Variants in CCDC192 observed in about 807,000 individuals in gnomAD.
The protein encoded by CCDC192 is coiled-coil domain-containing protein 192.
chr5:127,747,072 T>C (rs1561462583), intron 2 of CCDC192, among the ~76,000 whole-genome samples: 3 of 151,430 alleles, frequency 2.0e-5, no homozygotes, highest in Non-Finnish European at 4.4e-5. Flanking sequence ...GTTCATTCTT[T>C]TTTTTTTTTA....
chr5:127,935,168 G>A (rs1182877765), intron 6 of CCDC192: 1 of 152,234 alleles, frequency 6.6e-6, no homozygotes, highest in Non-Finnish European at 1.5e-5. Flanking sequence ...CTAACTCAGT[G>A]CTGCCCCTCC....
chr5:127,750,082 T>A lies in CCDC192; in HGVS notation c.115-4186T>A, dbSNP rs541531044. Reference sequence around the variant, plus strand: ...AAAACCAGCTCCTGGATTCATTAATTTTTTGAAGAGTTTTTTGTGTCTCTA... The same window carrying A: ...AAAACCAGCTCCTGGATTCATTAATATTTTGAAGAGTTTTTTGTGTCTCTA... On this transcript the variant is annotated intron_variant, in intron 2 of 6. Transcript: ENST00000514853. Among the ~76,000 whole-genome samples the A allele has an allele frequency of 2.6e-5, 4 of 152,294 alleles. No individual in the cohort carries two copies. The East Asian group carries it at 7.7e-4, about 29-fold the overall frequency.
intron 5 of CCDC192, among the ~76,000 whole-genome samples, chr5:127,824,967 T>C (rs1429543666): frequency 6.6e-6 from 1 of 152,186 alleles, no homozygotes; most frequent in African/African-American, 2.4e-5. Flanking sequence ...TGGTAGTTGT[T>C]CAAGCACACA....
chr5:127,813,252 T>G (rs1758181719), intron 5 of CCDC192, among the ~76,000 whole-genome samples: 1 of 152,138 alleles, frequency 6.6e-6, no homozygotes, highest in South Asian at 2.1e-4. Flanking sequence ...TGCTTTAGCC[T>G]TTCCACTCTC....
intron 2 of CCDC192, among the ~76,000 whole-genome samples, chr5:127,730,402 C>T (rs995088322): frequency 1.3e-5 from 2 of 151,974 alleles, no homozygotes; most frequent in Admixed American, 1.3e-4. Flanking sequence ...CCAAAAGAAG[C>T]CTAGGACCAG....
chr5:127,840,914 G>A (rs1447104032), intron 5 of CCDC192, among the ~76,000 whole-genome samples: 12 of 152,200 alleles, frequency 7.9e-5, no homozygotes, highest in Admixed American at 5.2e-4. Flanking sequence ...ACTGGCACAG[G>A]CTTCAGCTAG....
intron 5 of CCDC192, among the ~76,000 whole-genome samples, chr5:127,812,964 C>T (rs1193006869): frequency 6.6e-6 from 1 of 152,226 alleles, no homozygotes; most frequent in African/African-American, 2.4e-5. Flanking sequence ...GACCCCATAA[C>T]CAAATGCCCC....
rs115503378 is a variant in CCDC192, at chr5:127,806,436, G to A, written c.411+8274G>A. On this transcript the variant is annotated intron_variant, in intron 5 of 6. Coordinates refer to ENST00000514853, the MANE Select transcript of CCDC192 (RefSeq NM_001317938.2). ...CCCCACCCTACCGCCCCCAGCTACCGTTGCAGGTGTCTAGTCTTTGCTTAG... is the reference window on the plus strand; with the variant it reads ...CCCCACCCTACCGCCCCCAGCTACCATTGCAGGTGTCTAGTCTTTGCTTAG... 6.7e-3 allele frequency among the ~76,000 whole-genome samples: 1,023 copies of A among 152,060 alleles called. 16 individuals are homozygous for A. Among genetic ancestry groups the A allele is most frequent in the African/African-American group, 0.023 (948 of 41,472 alleles).
chr5:127,863,271 T>A (rs1201653645), intron 5 of CCDC192, among the ~76,000 whole-genome samples: 2 of 152,340 alleles, frequency 1.3e-5, no homozygotes, highest in Non-Finnish European at 2.9e-5. Flanking sequence ...TGTTTATCCA[T>A]GGATGAATGA....
intron 2 of CCDC192, among the ~76,000 whole-genome samples, chr5:127,726,291 A>G (rs1222160715): frequency 1.3e-5 from 2 of 152,234 alleles, no homozygotes; most frequent in Non-Finnish European, 2.9e-5. Context: ...GAGTCCAGTG[A>G]ACTCCTATGG....
At chr5:127,746,612 C>CTTT (rs5871272) in intron 2 of CCDC192, among the ~76,000 whole-genome samples, 42 of 143,626 alleles carry the variant, frequency 2.9e-4, no homozygotes, top group African/African-American at 1.0e-3. Context: ...TGTTTAAAGC[C>CTTT]TTTTTTTTTT....
chr5:127,769,184 T>C (rs758785167), intron 3 of CCDC192, among the ~76,000 whole-genome samples: 4 of 152,210 alleles, frequency 2.6e-5, no homozygotes, highest in Non-Finnish European at 5.9e-5. Context: ...CATTACTTAA[T>C]GGAGTGGTTT....
intron 3 of CCDC192, among the ~76,000 whole-genome samples, chr5:127,756,049 C>T (rs574284557): frequency 1.3e-5 from 2 of 151,848 alleles, no homozygotes; most frequent in African/African-American, 2.4e-5. Context: ...AGGAGAATGG[C>T]GTGAACCCGG....
At chr5:127,764,183 A>T (rs1163225970) in intron 3 of CCDC192, among the ~76,000 whole-genome samples, 1 of 152,212 alleles carries the variant, frequency 6.6e-6, no homozygotes, top group Non-Finnish European at 1.5e-5. Flanking sequence ...CCATTGAAGG[A>T]GGCACATTCT....
At chr5:127,858,537 A>G (rs1369694545) in intron 5 of CCDC192, among the ~76,000 whole-genome samples, 1 of 152,224 alleles carries the variant, frequency 6.6e-6, no homozygotes, top group Non-Finnish European at 1.5e-5. Flanking sequence ...AACTGACTGC[A>G]TCTGTGTGAT....
chr5:127,718,549 T>C (rs1003279950), intron 2 of CCDC192, among the ~76,000 whole-genome samples: 2 of 152,190 alleles, frequency 1.3e-5, no homozygotes, highest in Non-Finnish European at 2.9e-5. Context: ...TTTGTATGTA[T>C]AGAAGGAAGG....
intron 6 of CCDC192, among the ~76,000 whole-genome samples, chr5:127,887,844 C>T (rs1752614359): frequency 1.3e-5 from 2 of 151,580 alleles, no homozygotes; most frequent in Middle Eastern, 3.4e-3. Context: ...GCTGGGACTA[C>T]AGGCGCTCAC....
At chr5:127,851,321 C>A (rs1750786251) in intron 5 of CCDC192, among the ~76,000 whole-genome samples, 2 of 152,200 alleles carry the variant, frequency 1.3e-5, no homozygotes, top group Admixed American at 1.3e-4. Context: ...TTCTTCGAGA[C>A]CAACATTCAC....
At chr5:127,727,622 G>C (rs889152157) in intron 2 of CCDC192, among the ~76,000 whole-genome samples, 2 of 152,178 alleles carry the variant, frequency 1.3e-5, no homozygotes, top group Admixed American at 6.5e-5. Flanking sequence ...CAAAAAGCCA[G>C]AGTGCCTCTT....
Sources: allele counts gnomAD v4.1 joint callset (sites outside exome capture counted in the v4.1 genomes callset), GRCh38; gene constraint gnomAD v4.1.1; transcripts MANE v1.5; gene names NCBI Gene and HGNC (gene_info 2026-07-23, HGNC 2026-07-21).